The following GABBR1 variants were observed in gnomAD, a reference collection of about 807,000 sequenced individuals.
GABBR1 encodes GABA-B receptor, R1 subunit.
Under a neutral mutation model 117.7 loss-of-function variants are expected in GABBR1, and 35 were observed. The ratio of observed to expected loss-of-function variants is 0.30; its 90% confidence interval spans 0.23 to 0.39. GABBR1 has a LOEUF of 0.39. Among genes scored for constraint, GABBR1 ranks in the 10% least tolerant of loss-of-function variants. The pLI is 1.00. For synonymous variants in GABBR1, 442 were observed against 486.6 expected (o/e 0.91, Z 1.21); for missense variants, 709 against 1,241.8 (o/e 0.57, Z 6.45).
In GABBR1 at chr6:29,623,899, G is replaced by A; in HGVS notation, c.783C>T (p.Asn261=). 6.2e-7 allele frequency: 1 copy of A among 1,612,746 alleles called. No individual in the cohort carries two copies. ...TLVAEAARMW[N]LIVLSYGSSS... Reference sequence around the variant, plus strand: ...CCATAGCCCTGCTTACCACAATGAGGTTCCACATCCTAGCAGCCTCAGCCA... The same window carrying A: ...CCATAGCCCTGCTTACCACAATGAGATTCCACATCCTAGCAGCCTCAGCCA... Residue 261 remains asparagine, a synonymous_variant, in exon 7 of 23, where the codon AAC becomes AAT. Coordinates refer to ENST00000377034, the MANE Select transcript of GABBR1 (RefSeq NM_001470.4). The surrounding 1 kb of genome is among the most constrained non-coding windows in gnomAD (Gnocchi z 6.2).
chr6:29,625,010 T>C (rs1489967043), intron 6 of GABBR1, among the ~76,000 whole-genome samples: 1 of 150,960 alleles, frequency 6.6e-6, no homozygotes, highest in Non-Finnish European at 1.5e-5. Flanking sequence ...GGAGGATAAG[T>C]AGAAAGGAAA....
chr6:29,615,379 G>A (rs1762967043), intron 11 of GABBR1, among the ~76,000 whole-genome samples: 1 of 151,966 alleles, frequency 6.6e-6, no homozygotes, highest in African/African-American at 2.4e-5. Context: ...GGGAGGCCAA[G>A]GAGGGTGGAT....
In GABBR1 at chr6:29,623,981, T is replaced by C; in HGVS notation, c.701A>G (p.Tyr234Cys). ...QATKYLYELL[Y>C]NDPIKIILMP... ...AAGGATGATCTTGATAGGGTCGTTG[T>C]AGAGCAGCTCATATAGGTACTTGGT... is the stretch of plus-strand genomic sequence containing the variant. The change falls in exon 7 of 23, where the codon TAC (tyrosine) becomes TGC (cysteine). Residue 234 changes from tyrosine (Y) to cysteine (C), a missense_variant. Physicochemically the swap from Tyr to Cys is radical, Grantham distance 194 (BLOSUM62 -2). Coordinates refer to ENST00000377034, the MANE Select transcript of GABBR1 (RefSeq NM_001470.4). This position sits in a 1 kb window ranked among gnomAD's most constrained non-coding sequence, Gnocchi z 6.2. 1 of 1,613,062 alleles carries C rather than the reference T, an allele frequency of 6.2e-7. No individual in the cohort carries two copies.
chr6:29,624,756 T>C (rs1192564644), intron 6 of GABBR1, among the ~76,000 whole-genome samples: 1 of 151,604 alleles, frequency 6.6e-6, no homozygotes, highest in Admixed American at 6.6e-5. Context: ...GGCTTGGAGC[T>C]AGGGAAAGTA....
chr6:29,615,483 C>G (rs28749524), intron 11 of GABBR1, among the ~76,000 whole-genome samples: 14,752 of 151,172 alleles, frequency 0.098, 850 homozygotes, highest in Middle Eastern at 0.21. Flanking sequence ...TTGGTGGGCT[C>G]CCGTAATCCC....
chr6:29,604,935 A>C lies in GABBR1; in HGVS notation c.2493T>G (p.Asp831Glu). ...PVTMILSSQQ[D>E]AAFAFASLAI... The stretch of plus-strand genomic sequence containing the variant: ...CAAGAGAGGCAAAGGCAAAGGCTGC[A>C]TCCTGCTGGCTGGACAGAATCATGG... The change falls in exon 21 of 23, where the codon GAT becomes GAG. Residue 831 changes from aspartate (D) to glutamate (E), a missense_variant. Asp to Glu is a conservative substitution (Grantham distance 45). Transcript: ENST00000377034. This position sits in a 1 kb window ranked among gnomAD's most constrained non-coding sequence, Gnocchi z 5.3. The C allele has an allele frequency of 6.2e-7, 1 of 1,613,166 alleles. No individual in the cohort carries two copies. The highest frequency in any genetic ancestry group is 8.5e-7 in the Non-Finnish European group (1 of 1,180,006).
rs1763910511 is a variant in GABBR1, at chr6:29,622,943, C to G, written c.963+362G>C. On this transcript the variant is annotated intron_variant, in intron 8 of 22. Transcript: ENST00000377034. The surrounding 1 kb of genome is among the most constrained non-coding windows in gnomAD (Gnocchi z 4.6). ...CCATTCACACCCACCCACCACCCCC[C>G]TTGAAAGCCTCTGGAATCTGCTGCC... Among the ~76,000 whole-genome samples the G allele has an allele frequency of 6.6e-6, 1 of 152,010 alleles. No homozygotes were observed. Among genetic ancestry groups the G allele is most frequent in the African/African-American group, 2.4e-5 (1 of 41,358 alleles).
chr6:29,612,168 ATTT>A (rs540730674), intron 13 of GABBR1, among the ~76,000 whole-genome samples: 2 of 137,596 alleles, frequency 1.5e-5, no homozygotes, highest in South Asian at 2.4e-4. Flanking sequence ...CACCCAGCTA[ATTT>A]TTTTTTTTTT....
At chr6:29,608,872 C>G (rs1158479910) in intron 15 of GABBR1, 139 bp from the exon 16 acceptor site, 2 of 972,548 alleles carry the variant, frequency 2.1e-6, no homozygotes, top group Non-Finnish European at 3.0e-6. Context: ...TTGGAGAAGA[C>G]AGTGGAGCCT....
rs1436176703 is a variant in GABBR1, at chr6:29,622,781, TTCTC to T, written c.963+520_963+523del. ...CCTCAACCTCTCCTTGTCTGTCGGC[TTCTC>T]TCTCTTAGTACCAACTACCAGATCC... is the stretch of plus-strand genomic sequence containing the variant. On this transcript the variant is annotated intron_variant, in intron 8 of 22. Transcript: ENST00000377034. The surrounding 1 kb of genome is among the most constrained non-coding windows in gnomAD (Gnocchi z 4.6). Among the ~76,000 whole-genome samples, 2 of 152,036 alleles carry T rather than the reference TTCTC, an allele frequency of 1.3e-5. No individual in the cohort carries two copies. The highest frequency in any genetic ancestry group is 2.9e-5 in the Non-Finnish European group (2 of 68,016).
In GABBR1 at chr6:29,631,711, G is replaced by A; in HGVS notation, c.86-112C>T. The A allele has an allele frequency of 1.1e-6, 1 of 876,174 alleles. No individual in the cohort carries two copies. 54.3% of individuals were successfully genotyped at this position (876,174 alleles called of 1,614,324 possible). On this transcript the variant is annotated intron_variant, in intron 2 of 22. Coordinates refer to ENST00000377034, the MANE Select transcript of GABBR1 (RefSeq NM_001470.4). The surrounding 1 kb of genome is among the most constrained non-coding windows in gnomAD (Gnocchi z 5.9). Reference sequence around the variant, plus strand: ...GGGCGTGGTCTGTGGGCAGGCTGGGGACAGAGGAAGAGGGATGGGGCACTA... The same window carrying A: ...GGGCGTGGTCTGTGGGCAGGCTGGGAACAGAGGAAGAGGGATGGGGCACTA...
Position 29,621,643 on chromosome 6 carries a change from C to T in GABBR1, c.1131+109G>A. On this transcript the variant is annotated intron_variant, in intron 10 of 22. Transcript: ENST00000377034. This position sits in a 1 kb window ranked among gnomAD's most constrained non-coding sequence, Gnocchi z 5.0. ...GACAGAGACATCCTATGAATCGTCA[C>T]CTCAGATCATATGCTATCAACTCAG... 1.1e-6 allele frequency: 1 copy of T among 943,456 alleles called. No individual in the cohort carries two copies. Among genetic ancestry groups the T allele is most frequent in the East Asian group, 2.4e-5 (1 of 41,816 alleles). 58.4% of individuals were successfully genotyped at this position (943,456 alleles called of 1,614,324 possible). A position where few individuals can be genotyped will look rare whatever the true frequency, so the allele number is the denominator to read the frequency against.
chr6:29,624,375 A>G (rs1414825527), intron 6 of GABBR1: 1 of 179,254 alleles, frequency 5.6e-6, no homozygotes, highest in East Asian at 1.4e-4. Context: ...TGCTTCAAAC[A>G]CCAGTGGGTG....
chr6:29,622,255 A>C lies in GABBR1; in HGVS notation c.964-50T>G, dbSNP rs1407072321. 1.6e-6 allele frequency: 2 copies of C among 1,238,336 alleles called. No individual in the cohort carries two copies. The highest frequency in any genetic ancestry group is 2.4e-6 in the Non-Finnish European group (2 of 841,576). 76.7% of individuals were successfully genotyped at this position (1,238,336 alleles called of 1,614,324 possible). A position where few individuals can be genotyped will look rare whatever the true frequency, so the allele number is the denominator to read the frequency against. On this transcript the variant is annotated intron_variant, in intron 8 of 22. Transcript: ENST00000377034. This position sits in a 1 kb window ranked among gnomAD's most constrained non-coding sequence, Gnocchi z 4.6. ...TGGAAAAACACGGGGTGCATGAGGGAATAAAGACCAGAGAGGTTAACTGGG... is the reference window on the plus strand; with the variant it reads ...TGGAAAAACACGGGGTGCATGAGGGCATAAAGACCAGAGAGGTTAACTGGG...
Position 29,606,388 on chromosome 6 carries a change from C to T in GABBR1, c.2311+3G>A. 1 of 1,609,672 alleles carries T rather than the reference C, an allele frequency of 6.2e-7. No homozygotes were observed. Among genetic ancestry groups the T allele is most frequent in the Admixed American group, 1.7e-5 (1 of 60,018 alleles). On this transcript the variant is annotated splice_donor_region_variant and intron_variant, in intron 19 of 22. Transcript: ENST00000377034. This position sits in a 1 kb window ranked among gnomAD's most constrained non-coding sequence, Gnocchi z 4.5. ...TGCCCTCCTTTGCCCACATCCCACA[C>T]ACCAAGCCATGTATTCATCTTCCTG...
Position 29,603,668 on chromosome 6 carries a change from G to A in GABBR1, c.2761C>T (p.Gln921Ter). 1 of 1,514,412 alleles carries A rather than the reference G, an allele frequency of 6.6e-7. No individual in the cohort carries two copies. The allele number at this position is 1,514,412 out of a possible 1,614,324, so 93.8% of individuals were successfully genotyped here. ...ELRHQLQSRQ[Q>*]LRSRRHPPTP... ...GGTGGGTGGCGCCGGGAGCGGAGCT[G>A]CTGCCGAGACTGGAGTTGATGGCGC... is the stretch of plus-strand genomic sequence containing the variant. The change falls in exon 23 of 23, where the codon CAG (glutamine) becomes TAG (stop). Residue 921 changes from glutamine to a stop codon, truncating the protein, a stop_gained. Transcript: ENST00000377034. LOFTEE classifies it high-confidence loss of function.
In GABBR1 at chr6:29,611,530, G is replaced by A. The variant is rs571663907; in HGVS notation, c.1631-529C>T. The stretch of plus-strand genomic sequence containing the variant: ...AGATTTCTGTTCTAGAACTGTTTCC[G>A]TTACCATAACTTTTCCTTCAAAAGC... On this transcript the variant is annotated intron_variant, in intron 13 of 22. Transcript: ENST00000377034. The surrounding 1 kb of genome is among the most constrained non-coding windows in gnomAD (Gnocchi z 4.6). Among the ~76,000 whole-genome samples the A allele has an allele frequency of 6.6e-6, 1 of 152,068 alleles. No homozygotes were observed. The highest frequency in any genetic ancestry group is 6.6e-5 in the Admixed American group (1 of 15,262).
At position 29,632,363 on chromosome 6, in the gene GABBR1, G is replaced by A; in HGVS notation, c.23C>T (p.Ala8Val). The A allele has an allele frequency of 7.4e-7, 1 of 1,350,132 alleles. No individual in the cohort carries two copies. Among genetic ancestry groups the A allele is most frequent in the South Asian group, 1.9e-5 (1 of 51,940 alleles). 83.6% of individuals were successfully genotyped at this position (1,350,132 alleles called of 1,614,324 possible). MLLLLLL[A>V]PLFLRPPGAG... The stretch of plus-strand genomic sequence containing the variant: ...GCCCGGGGGGCGGAGGAAGAGTGGC[G>A]CCAGTAGCAGCAGCAGCAACATCTA... Residue 8 changes from alanine (A) to valine (V), a missense_variant, in exon 2 of 23, where the codon GCG (alanine) becomes GTG (valine). Transcript: ENST00000377034. The surrounding 1 kb of genome is among the most constrained non-coding windows in gnomAD (Gnocchi z 5.8).
In GABBR1 at chr6:29,613,264, A is replaced by G. The variant is rs29225; in HGVS notation, c.1545T>C (p.Ser515=). Residue 515 remains serine (S), a synonymous_variant, in exon 12 of 23, where the codon TCT becomes TCC. Transcript: ENST00000377034. This position sits in a 1 kb window ranked among gnomAD's most constrained non-coding sequence, Gnocchi z 4.1. ...TCACAGAGACACCCTCAAAGGACGA[A>G]GAGTTCATTGCCCGGTAGATTTGGT... ...ITDQIYRAMN[S]SSFEGVSGHV... is the part of the protein sequence containing the mutation. 158,478 of 1,610,224 alleles carry G rather than the reference A, an allele frequency of 0.098. 8,517 individuals carry two copies. The highest frequency in any genetic ancestry group is 0.17 in the Middle Eastern group (1,002 of 6,054).
Sources: gnomAD v4.1 joint callset for allele counts (sites outside exome capture counted in the v4.1 genomes callset) on GRCh38, gnomAD v4.1.1 for gene constraint, Gnocchi (gnomAD v3.1) non-coding constraint, MANE v1.5 for transcripts, NCBI Gene and HGNC (gene_info 2026-07-23, HGNC 2026-07-21) for gene names.